The following TP53TG5 variants were observed in gnomAD, a reference collection of about 807,000 sequenced individuals.
TP53TG5 encodes TP53-target gene 5 protein.
In TP53TG5, 17 loss-of-function variants were observed where a neutral mutation model predicts 30.0. The ratio of observed to expected loss-of-function variants is 0.57; its 90% CI spans 0.39 to 0.85. The LOEUF is 0.85. Ranked by LOEUF, TP53TG5 falls within the 40% of genes least tolerant of loss-of-function variation. The pLI, the probability that TP53TG5 is intolerant of heterozygous loss-of-function variation, is 0.00. For missense variants in TP53TG5, 338 were observed against 367.9 expected (o/e 0.92, Z 0.67); for synonymous variants, 137 against 139.2 (o/e 0.98, Z 0.11).
rs1464623861 is a variant in TP53TG5, at chr20:45,373,938, T to G, written c.842A>C (p.Asn281Thr). 6.2e-7 allele frequency: 1 copy of G among 1,613,978 alleles called. No homozygotes were observed. The stretch of plus-strand genomic sequence containing the variant: ...GTAGACTCGTGAATTTCGCCACCCA[T>G]TCCTCCCCTTCAGCTGATGGCGCGA... ...WRSRHQLKGR[N>T]GWRNSRVYK Residue 281 changes from asparagine (N) to threonine (T), a missense_variant, in exon 5 of 5, where the codon AAT becomes ACT. By Grantham distance (65) the Asn-to-Thr change is moderately conservative (BLOSUM62 0). Transcript: ENST00000372726.
chr20:45,377,728 A>C (rs1030900068), intron 1 of TP53TG5, 115 bp from the exon 2 acceptor site: 2 of 923,416 alleles, frequency 2.2e-6, no homozygotes, highest in Admixed American at 2.1e-5. Flanking sequence ...ATTTGAGGTC[A>C]GGAGTTTGAG....
chr20:45,374,469 A>C (rs1260628677), intron 4 of TP53TG5: 2 of 568,688 alleles, frequency 3.5e-6, no homozygotes, highest in African/African-American at 1.9e-5. Context: ...ACAGTGTCTC[A>C]TTATGTTGCC....
intron 3 of TP53TG5, chr20:45,375,887 C>T (rs1471372206): frequency 7.8e-6 from 2 of 257,128 alleles, no homozygotes; most frequent in Non-Finnish European, 1.5e-5. Context: ...AAATTGTGCT[C>T]CAAGAACCTT....
At chr20:45,374,171 A>C (rs1184425879) in intron 4 of TP53TG5, 160 bp from the exon 5 acceptor site, 2 of 684,452 alleles carry the variant, frequency 2.9e-6, no homozygotes, top group Non-Finnish European at 5.2e-6. Context: ...CCCGGTGGGC[A>C]CTCACCCCCT....
Position 45,377,297 on chromosome 20 carries a change from G to A in TP53TG5, c.169C>T (p.Arg57Cys), listed in dbSNP as rs772715528. ...AGCTTATGCAGTTCTTGGATCCGGC[G>A]GTTTGAGCTCTTGAGTAGCTTCAAG... ...SLLKLLKSSN[R>C]RIQELHKLAK... The change falls in exon 3 of 5, where the codon CGC becomes TGC. Residue 57 changes from arginine (R) to cysteine (C), a missense_variant. Coordinates refer to ENST00000372726, the MANE Select transcript of TP53TG5 (RefSeq NM_014477.3). The A allele has an allele frequency of 1.3e-5, 21 of 1,614,136 alleles. No individual in the cohort carries two copies. The highest frequency in any genetic ancestry group is 4.5e-5 in the East Asian group (2 of 44,882).
At position 45,375,269 on chromosome 20, in the gene TP53TG5, C is replaced by G; in HGVS notation, c.538G>C (p.Glu180Gln). ...PGVQGRQPLT[E>Q]GPRVIFIKPY... ...TTAATGAAGATGACTCGGGGGCCCT[C>G]GGTGAGTGGTTGCCTCCCCTGGACT... Residue 180 changes from glutamate (E) to glutamine (Q), a missense_variant, in exon 4 of 5, where the codon GAG becomes CAG. Glu to Gln is a conservative substitution (Grantham distance 29). Coordinates refer to ENST00000372726, the MANE Select transcript of TP53TG5 (RefSeq NM_014477.3). 6.2e-7 allele frequency: 1 copy of G among 1,614,154 alleles called. No homozygotes were observed. Among genetic ancestry groups the G allele is most frequent in the Non-Finnish European group, 8.5e-7 (1 of 1,180,022 alleles).
intron 2 of TP53TG5, 84 bp downstream of exon 2, chr20:45,377,454 CT>C: frequency 6.2e-7 from 1 of 1,609,198 alleles, no homozygotes; most frequent in Non-Finnish European, 8.5e-7. Context: ...GCTGGCTCCC[CT>C]GGGCCACTCA....
chr20:45,374,794 T>A, intron 4 of TP53TG5: 2 of 549,446 alleles, frequency 3.6e-6, no homozygotes, highest in Non-Finnish European at 6.4e-6. Context: ...ATGGCTCACT[T>A]CAGTGCCCCT....
chr20:45,378,317 A>C lies in TP53TG5; in HGVS notation c.-81T>G. On this transcript the variant is annotated 5_prime_UTR_variant, in exon 1 of 5. Transcript: ENST00000372726. ...CCCTGTTCCTCTCAGTTCAGCCAGC[A>C]CTCAGGCTGGGCATCAGATGGTGGT... 6.2e-7 allele frequency: 1 copy of C among 1,605,318 alleles called. No individual in the cohort carries two copies.
chr20:45,378,089 C>T, intron 1 of TP53TG5, 100 bp downstream of exon 1: 1 of 1,543,566 alleles, frequency 6.5e-7, no homozygotes, highest in Non-Finnish European at 8.9e-7. Flanking sequence ...TCACCTTTTC[C>T]TTTTCTCCCA....
chr20:45,377,304 G>A lies in TP53TG5; in HGVS notation c.162C>T (p.Ser54=). Residue 54 remains serine (S), a synonymous_variant, in exon 3 of 5, where the codon AGC becomes AGT. Coordinates refer to ENST00000372726, the MANE Select transcript of TP53TG5 (RefSeq NM_014477.3). ...GCAGTTCTTGGATCCGGCGGTTTGA[G>A]CTCTTGAGTAGCTTCAAGAGCGACA... The part of the protein sequence containing the change: ...KNLSLLKLLK[S]SNRRIQELHK... 1 of 1,614,184 alleles carries A rather than the reference G, an allele frequency of 6.2e-7. No individual in the cohort carries two copies. The highest frequency in any genetic ancestry group is 1.3e-5 in the African/African-American group (1 of 75,048).
chr20:45,373,113 A>G lies in TP53TG5; in HGVS notation c.*794T>C, dbSNP rs1276458191. The G allele has an allele frequency of 6.6e-6, 1 of 152,336 alleles. No homozygotes were observed. Among genetic ancestry groups the G allele is most frequent in the Non-Finnish European group, 1.5e-5 (1 of 68,198 alleles). 9.4% of individuals were successfully genotyped at this position (152,336 alleles called of 1,614,324 possible). A position where few individuals can be genotyped will look rare whatever the true frequency, so the allele number is the denominator to read the frequency against. On this transcript the variant is annotated 3_prime_UTR_variant, in exon 5 of 5. Transcript: ENST00000372726. The stretch of plus-strand genomic sequence containing the variant: ...GGAATATGGAGGTCTTCGTCCGGAG[A>G]AAACTCGGGCTCCCTTGGCTTTCCT...
At chr20:45,377,171 A>G in intron 3 of TP53TG5, 41 bp downstream of exon 3, 1 of 1,608,356 alleles carries the variant, frequency 6.2e-7, no homozygotes, top group Non-Finnish European at 8.5e-7. Flanking sequence ...TCCCAGAAAG[A>G]CGGCATTTGG....
At chr20:45,378,101 G>T in intron 1 of TP53TG5, 88 bp downstream of exon 1, 1 of 1,574,418 alleles carries the variant, frequency 6.4e-7, no homozygotes, top group Non-Finnish European at 8.7e-7. Flanking sequence ...TTTCTCCCAT[G>T]CTGGAAAGCC....
At position 45,372,567 on chromosome 20, in the gene TP53TG5, GGAA is replaced by G. The variant is rs1186643874; in HGVS notation, c.*1337_*1339del. ...AAGTTCACGCAAAGGTTGATGGAATGGAAGAGTGAGTAGAGATTATTTTCGAAA... is the reference window on the plus strand; with the variant it reads ...AAGTTCACGCAAAGGTTGATGGAATGGAGTGAGTAGAGATTATTTTCGAAA... On this transcript the variant is annotated 3_prime_UTR_variant, in exon 5 of 5. Coordinates refer to ENST00000372726, the MANE Select transcript of TP53TG5 (RefSeq NM_014477.3). 9.2e-5 allele frequency: 14 copies of G among 152,414 alleles called. No individual in the cohort carries two copies. The highest frequency in any genetic ancestry group is 3.4e-4 in the African/African-American group (14 of 41,594). 9.4% of individuals were successfully genotyped at this position (152,414 alleles called of 1,614,324 possible).
intron 4 of TP53TG5, chr20:45,374,366 G>A: frequency 1.5e-6 from 1 of 647,096 alleles, no homozygotes; most frequent in Admixed American, 2.6e-5. Context: ...TCGACTCCTG[G>A]GCTTAAGCGA....
In TP53TG5 at chr20:45,373,962, G is replaced by A; in HGVS notation, c.818C>T (p.Ser273Leu). The A allele has an allele frequency of 1.2e-6, 2 of 1,614,002 alleles. No individual in the cohort carries two copies. The highest frequency in any genetic ancestry group is 1.6e-4 in the Middle Eastern group (1 of 6,062). ...ATTCCTCCCCTTCAGCTGATGGCGC[G>A]ATCTCCACCCTCTGCTCGCACCTCT... ...RARGASRGWR[S>L]RHQLKGRNGW... Residue 273 changes from serine (S) to leucine (L), a missense_variant, in exon 5 of 5, where the codon TCG (serine) becomes TTG (leucine). By Grantham distance (145) the Ser-to-Leu change is moderately radical. Transcript: ENST00000372726.
chr20:45,373,943 C>A lies in TP53TG5; in HGVS notation c.837G>T (p.Gly279=). Residue 279 remains glycine (G), a synonymous_variant, in exon 5 of 5, where the codon GGG becomes GGT. Transcript: ENST00000372726. ...RGWRSRHQLK[G]RNGWRNSRVY... ...CTCGTGAATTTCGCCACCCATTCCT[C>A]CCCTTCAGCTGATGGCGCGATCTCC... 1.2e-6 allele frequency: 2 copies of A among 1,613,894 alleles called. No individual in the cohort carries two copies. Among genetic ancestry groups the A allele is most frequent in the Non-Finnish European group, 1.7e-6 (2 of 1,179,988 alleles).
intron 4 of TP53TG5, 176 bp downstream of exon 4, chr20:45,374,863 G>T: frequency 1.3e-6 from 1 of 793,802 alleles, no homozygotes; most frequent in Non-Finnish European, 2.0e-6. Flanking sequence ...CTACCCTTCT[G>T]TATGATGTTG....
Sources: allele counts gnomAD v4.1 joint callset, GRCh38; gene constraint gnomAD v4.1.1; transcripts MANE v1.5; gene names NCBI Gene and HGNC (gene_info 2026-07-23, HGNC 2026-07-21).